Variants in MAML2 observed in about 807,000 individuals in gnomAD.
The protein encoded by MAML2 is mastermind like transcriptional coactivator 2, also known as mastermind-like protein 2.
A neutral mutation model predicts 96.1 loss-of-function variants in MAML2; 22 were observed. The ratio of observed to expected loss-of-function variants is 0.23; its 90% CI spans 0.16 to 0.33. The LOEUF (loss-of-function observed/expected upper bound fraction) is 0.33. Ranked by LOEUF, MAML2 falls within the 10% of genes least tolerant of loss-of-function variation. MAML2 has a pLI of 1.00. For synonymous variants in MAML2, 561 were observed against 521.3 expected, an observed-to-expected ratio of 1.08 and a Z score of -1.04; for missense variants, 1,367 against 1,392.4, an observed-to-expected ratio of 0.98 and a Z score of 0.29.
chr11:96,213,818 T>C (rs1862007718), intron 1 of MAML2, among the ~76,000 whole-genome samples: 1 of 152,204 alleles, frequency 6.6e-6, no homozygotes, highest in East Asian at 1.9e-4. Context: ...TTTCAATGAA[T>C]TTAAATTAGG....
At chr11:96,061,345 G>T (rs778012874) in intron 2 of MAML2, among the ~76,000 whole-genome samples, 1 of 152,178 alleles carries the variant, frequency 6.6e-6, no homozygotes, top group Non-Finnish European at 1.5e-5. Flanking sequence ...AAGGACAGAA[G>T]TTCACATGAC....
chr11:96,125,873 T>C (rs1050936693), intron 1 of MAML2, among the ~76,000 whole-genome samples: 5 of 152,220 alleles, frequency 3.3e-5, no homozygotes, highest in Admixed American at 2.6e-4. Context: ...GCGTTCTTTA[T>C]GGGACATTTA....
intron 1 of MAML2, among the ~76,000 whole-genome samples, chr11:96,222,074 G>A (rs375212110): frequency 1.3e-5 from 2 of 152,050 alleles, no homozygotes; most frequent in South Asian, 2.1e-4. Context: ...CCAGACCAAC[G>A]AGAAAATGTT....
intron 2 of MAML2, among the ~76,000 whole-genome samples, chr11:96,003,124 T>G (rs866782496): frequency 0.019 from 831 of 44,708 alleles, no homozygotes; most frequent in Middle Eastern, 0.05. Context: ...TGAAGATGAT[T>G]ATGGGGATGA....
chr11:96,194,828 T>C (rs746826066), intron 1 of MAML2, among the ~76,000 whole-genome samples: 1 of 152,136 alleles, frequency 6.6e-6, no homozygotes, highest in Non-Finnish European at 1.5e-5. Flanking sequence ...CAATTCATGA[T>C]CCCTCCCTGC....
intron 1 of MAML2, among the ~76,000 whole-genome samples, chr11:96,191,081 T>C (rs769186959): frequency 2.6e-5 from 4 of 152,150 alleles, no homozygotes; most frequent in Non-Finnish European, 4.4e-5. Flanking sequence ...AGGCTATAGA[T>C]GCAGAAAGAG....
At chr11:96,026,653 C>T (rs529241339) in intron 2 of MAML2, among the ~76,000 whole-genome samples, 2 of 151,928 alleles carry the variant, frequency 1.3e-5, no homozygotes, top group Non-Finnish European at 2.9e-5. Flanking sequence ...CTTTTGGCAT[C>T]TGTTTGCTCA....
chr11:96,159,054 G>T (rs1345171659), intron 1 of MAML2, among the ~76,000 whole-genome samples: 1 of 152,168 alleles, frequency 6.6e-6, no homozygotes, highest in Non-Finnish European at 1.5e-5. Flanking sequence ...TCCCTGAAGG[G>T]TTAGTGAAGT....
chr11:95,994,360 T>C (rs1435488726), intron 2 of MAML2, among the ~76,000 whole-genome samples: 1 of 152,200 alleles, frequency 6.6e-6, no homozygotes, highest in East Asian at 1.9e-4. Context: ...TTTAAATCCA[T>C]CATGAATTTC....
At chr11:96,207,191 A>G (rs943253021) in intron 1 of MAML2, among the ~76,000 whole-genome samples, 6 of 152,194 alleles carry the variant, frequency 3.9e-5, no homozygotes, top group Admixed American at 3.9e-4. Context: ...GGGTCCTCCA[A>G]GCATAGCTTT....
intron 1 of MAML2, among the ~76,000 whole-genome samples, chr11:96,228,592 G>A (rs1016388144): frequency 3.9e-5 from 6 of 152,170 alleles, no homozygotes; most frequent in African/African-American, 1.4e-4. Context: ...CTTCCATTGG[G>A]ACATTTTACT....
chr11:96,224,956 G>T (rs1231175405), intron 1 of MAML2, among the ~76,000 whole-genome samples: 1 of 151,950 alleles, frequency 6.6e-6, no homozygotes, highest in African/African-American at 2.4e-5. Context: ...AAAGCACTTT[G>T]TCTAAAAGCA....
chr11:96,070,455 T>C (rs2135787487), intron 2 of MAML2, among the ~76,000 whole-genome samples: 1 of 152,308 alleles, frequency 6.6e-6, no homozygotes, highest in Non-Finnish European at 1.5e-5. Context: ...ACTCCCTCTT[T>C]GGGGTCCTGC....
chr11:96,012,890 A>G (rs1399354131), intron 2 of MAML2, among the ~76,000 whole-genome samples: 1 of 152,254 alleles, frequency 6.6e-6, no homozygotes, highest in African/African-American at 2.4e-5. Context: ...CAACAGAATT[A>G]TAAAGTCAAC....
At chr11:96,009,681 A>G (rs1396021965) in intron 2 of MAML2, among the ~76,000 whole-genome samples, 1 of 152,194 alleles carries the variant, frequency 6.6e-6, no homozygotes, top group Non-Finnish European at 1.5e-5. Context: ...TAGGGAAGCC[A>G]GGAAAAGCAC....
chr11:96,229,245 G>T (rs1862256407), intron 1 of MAML2, among the ~76,000 whole-genome samples: 1 of 151,868 alleles, frequency 6.6e-6, no homozygotes, highest in Non-Finnish European at 1.5e-5. Context: ...AGAGATGAAT[G>T]AATGGCAAAA....
chr11:96,161,165 G>C (rs1345110483), intron 1 of MAML2, among the ~76,000 whole-genome samples: 1 of 152,148 alleles, frequency 6.6e-6, no homozygotes, highest in Non-Finnish European at 1.5e-5. Flanking sequence ...TGTCCCTGAG[G>C]ACCGCTCTCT....
intron 1 of MAML2, among the ~76,000 whole-genome samples, chr11:96,315,453 G>A (rs487931): frequency 0.45 from 68,069 of 151,992 alleles, 15,889 homozygotes; most frequent in African/African-American, 0.6. Context: ...TCCACTTACC[G>A]TATAAAGTAG....
chr11:96,018,396 G>C (rs1858387324), intron 2 of MAML2, among the ~76,000 whole-genome samples: 2 of 152,122 alleles, frequency 1.3e-5, no homozygotes, highest in Non-Finnish European at 2.9e-5. Flanking sequence ...GCATAGAAAA[G>C]ATACTGAAAG....
Sources: allele counts gnomAD v4.1 joint callset (sites outside exome capture counted in the v4.1 genomes callset), GRCh38; gene constraint gnomAD v4.1.1; transcripts MANE v1.5; gene names NCBI Gene and HGNC (gene_info 2026-07-23, HGNC 2026-07-21).